Variants in PIEZO1 observed in about 807,000 individuals in gnomAD.
PIEZO1 encodes the protein piezo type mechanosensitive ion channel component 1 (Er blood group), also known as piezo-type mechanosensitive ion channel component 1.
A neutral mutation model predicts 297.2 loss-of-function variants in PIEZO1; 296 were observed. The ratio of observed to expected loss-of-function variants is 1.00; its 90% CI spans 0.91 to 1.10. The LOEUF is 1.10. Among genes scored for constraint, PIEZO1 ranks in the 50% least tolerant of loss-of-function variants. The pLI is 0.00. For synonymous variants in PIEZO1, 2,427 were observed against 1,507.5 expected, an observed-to-expected ratio of 1.61 and a Z score of -14.13; for missense variants, 5,018 against 3,455.5, an observed-to-expected ratio of 1.45 and a Z score of -11.34.
At position 88,732,351 on chromosome 16, in the gene PIEZO1, TAGA is replaced by T. The variant is rs758890489; in HGVS notation, c.2972_2974del (p.Phe991del). The stretch of plus-strand genomic sequence containing the variant: ...TTGCCTCACCTCCAGCCCGAATTTG[TAGA>T]AGAAGAAGTTGATGAAGTACTTGAG... On this transcript the variant is annotated inframe_deletion, in exon 21 of 51. Transcript: ENST00000301015. 55 of 1,549,410 alleles carry T rather than the reference TAGA, an allele frequency of 3.5e-5. No individual in the cohort carries two copies. The highest frequency in any genetic ancestry group is 1.7e-4 in the East Asian group (7 of 40,888).
chr16:88,770,880 G>C (rs571640515), intron 1 of PIEZO1, among the ~76,000 whole-genome samples: 3 of 152,252 alleles, frequency 2.0e-5, no homozygotes, highest in Non-Finnish European at 2.9e-5. Context: ...AGGTGCCCTG[G>C]GGGCTTGGGC....
chr16:88,731,970 T>C, intron 21 of PIEZO1, 60 bp from the exon 22 acceptor site: 2 of 35,290 alleles, frequency 5.7e-5, no homozygotes, highest in South Asian at 4.0e-4. Context: ...GGGACTTTCT[T>C]GTCCCACCCA....
chr16:88,726,573 A>G lies in PIEZO1; in HGVS notation c.3770T>C (p.Val1257Ala), dbSNP rs1904450798. The change falls in exon 26 of 51, where the codon GTA becomes GCA. Residue 1257 changes from valine (V) to alanine (A), a missense_variant. Transcript: ENST00000301015. ...GTCATAGTAGCCCTTGACGGTGCAT[A>G]CAAGGCTGAAGAGCTGGATGACCCA... ...FCWVIQLFSL[V>A]CTVKGYYDPK... The G allele has an allele frequency of 6.5e-7, 1 of 1,550,128 alleles. No homozygotes were observed. Among genetic ancestry groups the G allele is most frequent in the East Asian group, 2.4e-5 (1 of 40,904 alleles).
rs7184427 is a variant in PIEZO1, at chr16:88,738,326, A to G, written c.749T>C (p.Val250Ala). ...ISTRGFSRLC[V>A]AVGCFGAGHL... ...GCCGGCGCCGAAGCACCCCACCGCG[A>G]CGCAGAGTCTGCTGAAGCCCCGAGT... The change falls in exon 7 of 51, where the codon GTC (valine) becomes GCC (alanine). Residue 250 changes from valine to alanine, a missense_variant. Physicochemically the swap from Val to Ala is moderately conservative, Grantham distance 64. Coordinates refer to ENST00000301015, the MANE Select transcript of PIEZO1 (RefSeq NM_001142864.4). The G allele has an allele frequency of 0.84, 1,293,651 of 1,535,726 alleles. 545,916 individuals are homozygous for G. Among genetic ancestry groups the G allele is most frequent in the East Asian group, 0.89 (36,301 of 40,900 alleles).
At chr16:88,748,268 C>G (rs902502489) in intron 2 of PIEZO1, among the ~76,000 whole-genome samples, 2 of 10,372 alleles carry the variant, frequency 1.9e-4, no homozygotes, top group Admixed American at 1.1e-3. Flanking sequence ...TGAGTGTTTG[C>G]TCCAAAACGC....
intron 2 of PIEZO1, 102 bp from the exon 3 acceptor site, chr16:88,742,524 A>C (rs1044259236): frequency 3.1e-6 from 4 of 1,282,768 alleles, no homozygotes; most frequent in Non-Finnish European, 4.2e-6. Flanking sequence ...CAGAGCCCAG[A>C]GGCCTGAGAT....
chr16:88,741,555 C>T lies in PIEZO1; in HGVS notation c.388G>A (p.Val130Met), dbSNP rs750077781. The T allele has an allele frequency of 3.9e-6, 6 of 1,535,762 alleles. No homozygotes were observed. The South Asian group carries it at 5.9e-5, about 15-fold the overall frequency. Residue 130 changes from valine (V) to methionine (M), a missense_variant, in exon 5 of 51, where the codon GTG (valine) becomes ATG (methionine). By Grantham distance (21) the Val-to-Met change is conservative. Transcript: ENST00000301015. ...RLVAPDLGIL[V>M]VSSVCLGICG... ...ATGCCGAGGCAGACAGAGGAGACCA[C>T]CAAGATGCCCAGGTCAGGGGCCACC...
At position 88,734,428 on chromosome 16, in the gene PIEZO1, C is replaced by T; in HGVS notation, c.2108G>A (p.Arg703Lys). ...CATGTCGGTGAGCTGCATGAAGGGC[C>T]TGTGGAAGTAGTGCAGCTGCAGGAT... ...ACILQLHYFHRPFMQLTDMEH... is the reference protein window; with the variant it reads ...ACILQLHYFHKPFMQLTDMEH... Residue 703 changes from arginine (R) to lysine (K), a missense_variant, in exon 16 of 51, where the codon AGG becomes AAG. Physicochemically the swap from Arg to Lys is conservative, Grantham distance 26 (BLOSUM62 2). Transcript: ENST00000301015. 7 of 1,550,002 alleles carry T rather than the reference C, an allele frequency of 4.5e-6. No individual in the cohort carries two copies. The highest frequency in any genetic ancestry group is 6.1e-6 in the Non-Finnish European group (7 of 1,146,756).
intron 2 of PIEZO1, among the ~76,000 whole-genome samples, chr16:88,744,719 T>C (rs543877731): frequency 6.6e-6 from 1 of 151,944 alleles, no homozygotes; most frequent in East Asian, 1.9e-4. Context: ...CTGGCCATGT[T>C]AGAACAGCTG....
chr16:88,726,201 G>A, intron 27 of PIEZO1, 83 bp downstream of exon 27: 2 of 1,211,546 alleles, frequency 1.7e-6, no homozygotes, highest in Non-Finnish European at 2.3e-6. Context: ...CACGGGCCGG[G>A]GCCTGAGACA....
Position 88,735,002 on chromosome 16 carries a change from C to T in PIEZO1, c.1721G>A (p.Gly574Asp), listed in dbSNP as rs1905109274. 4 of 1,550,428 alleles carry T rather than the reference C, an allele frequency of 2.6e-6. No individual in the cohort carries two copies. The African/African-American group carries it at 5.5e-5, about 21-fold the overall frequency. The change falls in exon 14 of 51, where the codon GGC becomes GAC. Residue 574 changes from glycine (G) to aspartate (D), a missense_variant. Coordinates refer to ENST00000301015, the MANE Select transcript of PIEZO1 (RefSeq NM_001142864.4). ...ATAGATCCAGTACTTGGCGTACACG[C>T]CCTTCACCAGCTCCCCCAGGCTCTG... ...LLQSLGELVK[G>D]VYAKYWIYVC... is the part of the protein sequence containing the mutation.
rs2290900 is a variant in PIEZO1 at position 88,719,837 on chromosome 16, C to T, written c.6288G>A (p.Lys2096=). 19,622 of 1,550,550 alleles carry T rather than the reference C, an allele frequency of 0.013. 880 individuals carry two copies. The African/African-American group carries it at 0.13, about 11-fold the overall frequency. ...PTRILGNFLT[K]KYNHLNLFLF... ...GGAAGAGGTTGAGATGATTGTACTT[C>T]TTGGTGAGGAAGTTGCCGAGGATGC... Residue 2096 remains lysine, a synonymous_variant, in exon 43 of 51, where the codon AAG becomes AAA. Transcript: ENST00000301015.
chr16:88,731,574 G>T, intron 22 of PIEZO1, 132 bp downstream of exon 22: 1 of 669,696 alleles, frequency 1.5e-6, no homozygotes, highest in Non-Finnish European at 2.6e-6. Context: ...ATGTGGAGCA[G>T]AGAGGAGGGA....
chr16:88,763,093 C>G (rs993963815), intron 1 of PIEZO1, among the ~76,000 whole-genome samples: 1 of 152,178 alleles, frequency 6.6e-6, no homozygotes, highest in African/African-American at 2.4e-5. Flanking sequence ...AGGGGTAGAG[C>G]CAGAGACACC....
In PIEZO1 at chr16:88,726,848, T is replaced by TA; in HGVS notation, c.3565dup (p.Tyr1189LeufsTer77). The TA allele has an allele frequency of 6.5e-7, 1 of 1,550,334 alleles. No individual in the cohort carries two copies. Among genetic ancestry groups the TA allele is most frequent in the Non-Finnish European group, 8.7e-7 (1 of 1,146,916 alleles). On this transcript the variant is annotated frameshift_variant, in exon 25 of 51. Coordinates refer to ENST00000301015, the MANE Select transcript of PIEZO1 (RefSeq NM_001142864.4). LOFTEE classifies it high-confidence loss of function. The stretch of plus-strand genomic sequence containing the variant: ...CAGCAGGTAGAAGCAGGCCAGCAGG[T>TA]AGCCCAGCCCGAAGATGCTGATGCG...
In PIEZO1 at chr16:88,742,325, G is replaced by T; in HGVS notation, c.258C>A (p.Arg86=). ...ALQICLHIVP[R]LDQLLGPSCS... ...AGCTGGGTCCCAGGAGCTGGTCCAG[G>T]CGGGGCACAATATGCAGGCAGATCT... Residue 86 remains arginine (R), a synonymous_variant, in exon 3 of 51, where the codon CGC becomes CGA. Coordinates refer to ENST00000301015, the MANE Select transcript of PIEZO1 (RefSeq NM_001142864.4). The T allele has an allele frequency of 6.5e-7, 1 of 1,535,212 alleles. No individual in the cohort carries two copies. The highest frequency in any genetic ancestry group is 8.7e-7 in the Non-Finnish European group (1 of 1,146,478).
chr16:88,726,485 C>A (rs1904442555), intron 26 of PIEZO1, 30 bp from the exon 27 acceptor site: 5 of 1,548,156 alleles, frequency 3.2e-6, no homozygotes, highest in African/African-American at 1.4e-5. Context: ...AAGGGTCAGG[C>A]CCAGGGCCCA....
At position 88,731,954 on chromosome 16, in the gene PIEZO1, G is replaced by GGGAGAGGGCGGGGCGT. The variant is rs374777922; in HGVS notation, c.2992-45_2992-44insACGCCCCGCCCTCTCC. 14 of 326,144 alleles carry GGGAGAGGGCGGGGCGT rather than the reference G, an allele frequency of 4.3e-5. No individual in the cohort carries two copies. In the East Asian group the frequency reaches 4.5e-4, roughly 11 times the overall value. The allele number at this position is 326,144 out of a possible 1,614,324, so 20.2% of individuals were successfully genotyped here. ...GGGGTGTGGGGATGCACTGAGTCTG[G>GGGAGAGGGCGGGGCGT]GGGGAGGGACTTTCTTGTCCCACCC... On this transcript the variant is annotated intron_variant, in intron 21 of 50. Coordinates refer to ENST00000301015, the MANE Select transcript of PIEZO1 (RefSeq NM_001142864.4).
rs932303002 is a variant in PIEZO1 at position 88,725,515 on chromosome 16, C to G, written c.4063G>C (p.Glu1355Gln). ...TTCTCCTGCTTGGCACGGATACGCTCCATCCTGTGGTGGGGAAAGGTGGGG... is the reference window on the plus strand; with the variant it reads ...TTCTCCTGCTTGGCACGGATACGCTGCATCCTGTGGTGGGGAAAGGTGGGG... ...KSLAQLKRQM[E>Q]RIRAKQEKHR... is the part of the protein sequence containing the mutation. Residue 1355 changes from glutamate (E) to glutamine (Q), a missense_variant, in exon 29 of 51, where the codon GAG becomes CAG. Coordinates refer to ENST00000301015, the MANE Select transcript of PIEZO1 (RefSeq NM_001142864.4). 5 of 1,536,494 alleles carry G rather than the reference C, an allele frequency of 3.3e-6. No individual in the cohort carries two copies. Among genetic ancestry groups the G allele is most frequent in the African/African-American group, 2.8e-5 (2 of 72,714 alleles).
Sources: gnomAD v4.1 joint callset for allele counts (sites outside exome capture counted in the v4.1 genomes callset) on GRCh38, gnomAD v4.1.1 for gene constraint, MANE v1.5 for transcripts, NCBI Gene and HGNC (gene_info 2026-07-23, HGNC 2026-07-21) for gene names.